ST7L: variants seen among roughly 807,000 people sequenced by gnomAD.
ST7L encodes suppression of tumorigenicity 7 like.
ST7L carries 57 observed loss-of-function variants against 72.5 expected under a neutral mutation model. The observed-to-expected ratio is 0.79, with a 90% CI of 0.64 to 0.98. ST7L has a LOEUF of 0.98. ST7L is among the 50% of genes least tolerant of loss of function. The pLI, the probability that ST7L is intolerant of heterozygous loss-of-function variation, is 0.00. For missense variants in ST7L, 576 were observed against 672.2 expected (o/e 0.86, Z 1.58); for synonymous variants, 221 against 240.9 (o/e 0.92, Z 0.77).
rs943801763 is a variant in ST7L at position 112,555,923 on chromosome 1, C to T, written c.1341G>A (p.Gln447=). The T allele has an allele frequency of 1.2e-6, 2 of 1,612,258 alleles. No individual in the cohort carries two copies. Among genetic ancestry groups the T allele is most frequent in the African/African-American group, 2.7e-5 (2 of 74,892 alleles). ...EAIAYAFFHL[Q]HWKRIEGALN... The stretch of plus-strand genomic sequence containing the variant: ...GAGCACCTTCTATTCGTTTCCAGTG[C>T]TGAAGATGAAAGAAAGCATAGGCAA... Residue 447 remains glutamine, a synonymous_variant, in exon 12 of 15, where the codon CAG becomes CAA. Coordinates refer to ENST00000358039, the MANE Select transcript of ST7L (RefSeq NM_017744.5).
chr1:112,525,504 T>A lies in ST7L; in HGVS notation c.*509A>T, dbSNP rs1363574699. 1.3e-5 allele frequency: 2 copies of A among 153,396 alleles called. No individual in the cohort carries two copies. The highest frequency in any genetic ancestry group is 4.8e-5 in the African/African-American group (2 of 41,388). 9.5% of individuals were successfully genotyped at this position (153,396 alleles called of 1,614,324 possible). A position where few individuals can be genotyped will look rare whatever the true frequency, so the allele number is the denominator to read the frequency against. On this transcript the variant is annotated 3_prime_UTR_variant, in exon 15 of 15. Transcript: ENST00000358039. ...CCCACTTCCCACTCATGGCTTATAT[T>A]ATCTCTGAGCATCTCGGTGGCTATT...
chr1:112,603,378 T>C (rs575200618), intron 3 of ST7L, among the ~76,000 whole-genome samples: 2 of 152,180 alleles, frequency 1.3e-5, no homozygotes, highest in Non-Finnish European at 2.9e-5. Flanking sequence ...TAACAGAGCA[T>C]GCAAAGTTCA....
At chr1:112,581,547 C>A (rs921793962) in intron 9 of ST7L, among the ~76,000 whole-genome samples, 2 of 151,962 alleles carry the variant, frequency 1.3e-5, no homozygotes, top group African/African-American at 2.4e-5. Context: ...TACAGGTACA[C>A]ACCACCAAAC....
intron 11 of ST7L, among the ~76,000 whole-genome samples, chr1:112,559,300 A>C (rs763360193): frequency 6.6e-6 from 1 of 152,124 alleles, no homozygotes; most frequent in Non-Finnish European, 1.5e-5. Context: ...GCTGGAGTGC[A>C]GTGGCTCACC....
intron 12 of ST7L, among the ~76,000 whole-genome samples, chr1:112,552,184 G>C (rs1658314313): frequency 6.6e-6 from 1 of 152,008 alleles, no homozygotes; most frequent in Non-Finnish European, 1.5e-5. Context: ...GGGATGTAAG[G>C]GGAAACCCAC....
chr1:112,601,312 C>T (rs1033071624), intron 3 of ST7L, among the ~76,000 whole-genome samples: 4 of 152,142 alleles, frequency 2.6e-5, no homozygotes, highest in African/African-American at 9.7e-5. Context: ...GTGGCGCAAT[C>T]TCAGCTCACT....
chr1:112,583,955 A>G lies in ST7L; in HGVS notation c.856+17T>C, dbSNP rs1273579502. On this transcript the variant is annotated intron_variant, in intron 7 of 14. Coordinates refer to ENST00000358039, the MANE Select transcript of ST7L (RefSeq NM_017744.5). Reference sequence around the variant, plus strand: ...CAGATGCTAAAAGACAGTAATAACCAGTTCAAACTTGCTTACTCAGTTGAG... The same window carrying G: ...CAGATGCTAAAAGACAGTAATAACCGGTTCAAACTTGCTTACTCAGTTGAG... The G allele has an allele frequency of 1.2e-6, 2 of 1,608,870 alleles. No individual in the cohort carries two copies. The highest frequency in any genetic ancestry group is 1.7e-6 in the Non-Finnish European group (2 of 1,178,294).
chr1:112,600,740 A>G, intron 4 of ST7L, 54 bp downstream of exon 4: 1 of 1,459,810 alleles, frequency 6.9e-7, no homozygotes, highest in East Asian at 2.3e-5. Flanking sequence ...GATTTTGTAA[A>G]TACCTTTACT....
At position 112,556,034 on chromosome 1, in the gene ST7L, A is replaced by G; in HGVS notation, c.1246-16T>C. The G allele has an allele frequency of 6.4e-7, 1 of 1,567,148 alleles. No homozygotes were observed. Among genetic ancestry groups the G allele is most frequent in the Non-Finnish European group, 8.7e-7 (1 of 1,155,502 alleles). On this transcript the variant is annotated splice_polypyrimidine_tract_variant and intron_variant, in intron 11 of 14. Transcript: ENST00000358039. ...CTAATAAATACTGAAAGAGTAACAC[A>G]CAGACACATATACACACAACAGAAA...
Position 112,526,116 on chromosome 1 carries a change from A to T in ST7L, c.1630-5T>A. The T allele has an allele frequency of 1.9e-6, 3 of 1,614,148 alleles. No homozygotes were observed. The highest frequency in any genetic ancestry group is 1.1e-5 in the South Asian group (1 of 91,082). On this transcript the variant is annotated splice_region_variant and splice_polypyrimidine_tract_variant and intron_variant, in intron 14 of 14. Transcript: ENST00000358039. Reference sequence around the variant, plus strand: ...GGGGCACCAGAGTCCCAGCACCTTCAAAACAGAAATTGATACAAAATGTTC... The same window carrying T: ...GGGGCACCAGAGTCCCAGCACCTTCTAAACAGAAATTGATACAAAATGTTC...
intron 4 of ST7L, among the ~76,000 whole-genome samples, chr1:112,599,051 C>T (rs1333999761): frequency 6.5e-5 from 4 of 61,962 alleles, no homozygotes; most frequent in Non-Finnish European, 2.9e-5. Context: ...CAGAGAGAGA[C>T]TCAGCCTCAA....
chr1:112,595,741 T>C (rs775224069), intron 5 of ST7L, among the ~76,000 whole-genome samples: 3 of 152,320 alleles, frequency 2.0e-5, no homozygotes, highest in East Asian at 1.9e-4. Context: ...TTTCAATGGA[T>C]TGTAGTGGGT....
intron 1 of ST7L, chr1:112,618,692 G>A: frequency 2.0e-6 from 2 of 993,712 alleles, no homozygotes; most frequent in Non-Finnish European, 2.9e-6. Flanking sequence ...TAAGAGAGAG[G>A]GCGGACCTTA....
chr1:112,570,572 C>CATAT (rs1661937413), intron 11 of ST7L, among the ~76,000 whole-genome samples: 2 of 120,596 alleles, frequency 1.7e-5, no homozygotes, highest in African/African-American at 6.5e-5. Context: ...TATATATATA[C>CATAT]ACACACACAT....
chr1:112,595,039 A>G (rs2101981590), intron 5 of ST7L, among the ~76,000 whole-genome samples: 1 of 152,328 alleles, frequency 6.6e-6, no homozygotes, highest in African/African-American at 2.4e-5. Context: ...TATGTGTTCA[A>G]GAAGAAAAAA....
chr1:112,610,038 C>T (rs961826060), intron 3 of ST7L, among the ~76,000 whole-genome samples: 5 of 151,190 alleles, frequency 3.3e-5, no homozygotes, highest in African/African-American at 7.4e-5. Context: ...ATTTGCTGGG[C>T]GTATATATAT....
At chr1:112,601,366 C>T (rs1030326465) in intron 3 of ST7L, among the ~76,000 whole-genome samples, 19 of 152,266 alleles carry the variant, frequency 1.2e-4, no homozygotes, top group African/African-American at 4.3e-4. Flanking sequence ...CAGCCTCAGC[C>T]TCCCGAGTAG....
At chr1:112,549,094 C>T (rs990130134) in intron 13 of ST7L, among the ~76,000 whole-genome samples, 1 of 151,814 alleles carries the variant, frequency 6.6e-6, no homozygotes. Context: ...AGAGAATCGT[C>T]ATCTAAATAA....
At chr1:112,582,612 A>G in intron 7 of ST7L, 140 bp from the exon 8 acceptor site, 1 of 524,674 alleles carries the variant, frequency 1.9e-6, no homozygotes, top group Admixed American at 3.5e-5. Context: ...GAAGAATATT[A>G]ATGATGTCTA....
Sources: allele counts gnomAD v4.1 joint callset (sites outside exome capture counted in the v4.1 genomes callset), GRCh38; gene constraint gnomAD v4.1.1; transcripts MANE v1.5; gene names NCBI Gene and HGNC (gene_info 2026-07-23, HGNC 2026-07-21).